The following CENPM variants were observed in gnomAD, a reference collection of about 807,000 sequenced individuals.
The protein encoded by CENPM is centromere protein M.
Under a neutral mutation model 19.6 loss-of-function variants are expected in CENPM, and 14 were observed. The ratio of observed to expected loss-of-function variants is 0.71; its 90% CI spans 0.47 to 1.11. The LOEUF is 1.11. CENPM is among the 50% of genes most tolerant of loss of function. CENPM has a pLI of 0.00. For synonymous variants in CENPM, 114 were observed against 101.5 expected, an observed-to-expected ratio of 1.12 and a Z score of -0.74; for missense variants, 239 against 228.4, an observed-to-expected ratio of 1.05 and a Z score of -0.30.
chr22:41,939,298 T>A, intron 5 of CENPM, 102 bp from the exon 6 acceptor site: 7 of 1,416,192 alleles, frequency 4.9e-6, no homozygotes, highest in Non-Finnish European at 5.6e-6. Context: ...GGGCGGATAC[T>A]TGGGGGTAGC....
At chr22:41,946,741 G>C in intron 1 of CENPM, 1 of 598,318 alleles carries the variant, frequency 1.7e-6, no homozygotes, top group East Asian at 2.8e-5. Context: ...GCCTCTCCAG[G>C]AGGCCAGACC....
chr22:41,938,141 AT>A (rs11440934), downstream of CENPM, among the ~76,000 whole-genome samples: 37 of 120,030 alleles, frequency 3.1e-4, no homozygotes, highest in Admixed American at 7.3e-4. Flanking sequence ...CGCGCCCAGC[AT>A]TTTTTTTTTT....
the CENPM span, among the ~76,000 whole-genome samples, chr22:41,929,013 G>C: frequency 6.6e-6 from 1 of 152,010 alleles, no homozygotes. Flanking sequence ...CCTGTACATG[G>C]GCCAGCAGCT....
intron 4 of CENPM, chr22:41,944,061 G>A (rs1024603904): frequency 3.3e-5 from 32 of 976,636 alleles, no homozygotes; most frequent in Non-Finnish European, 3.8e-5. Context: ...CATGCATGCC[G>A]GAGTGACACT....
intron 5 of CENPM, among the ~76,000 whole-genome samples, chr22:41,942,770 A>G (rs1430969156): frequency 2.0e-5 from 3 of 151,528 alleles, no homozygotes; most frequent in East Asian, 3.9e-4. Context: ...AAAAAAGTAA[A>G]TAAATAAATA....
intron 1 of CENPM, 50 bp downstream of exon 1, chr22:41,946,969 CA>C: frequency 6.3e-7 from 1 of 1,590,930 alleles, no homozygotes; most frequent in East Asian, 2.2e-5. Context: ...GTGGCTGAAG[CA>C]CCGCCCAGGA....
chr22:41,946,343 G>C (rs2077801661), intron 2 of CENPM, 74 bp downstream of exon 2: 1 of 1,299,664 alleles, frequency 7.7e-7, no homozygotes, highest in East Asian at 2.4e-5. Flanking sequence ...CTGGGCTTCG[G>C]AGTTTAGCAG....
intron 5 of CENPM, 141 bp downstream of exon 5, chr22:41,943,469 C>A: frequency 3.0e-6 from 2 of 665,330 alleles, no homozygotes; most frequent in Non-Finnish European, 5.0e-6. Context: ...AAACCAGGAT[C>A]CTGTGTCTCC....
the CENPM span, chr22:41,928,305 C>A: frequency 1.2e-5 from 2 of 171,812 alleles, no homozygotes; most frequent in African/African-American, 4.8e-5. This position sits in a 1 kb window ranked among gnomAD's most constrained non-coding sequence, Gnocchi z 4.0. Context: ...CTCTGCTCCC[C>A]AGTGTTTGGG....
the CENPM span, among the ~76,000 whole-genome samples, chr22:41,930,867 C>G: frequency 7.2e-6 from 1 of 138,628 alleles, no homozygotes; most frequent in African/African-American, 2.8e-5. Context: ...GATGGAGTCT[C>G]GCTCTGTTGC....
chr22:41,939,847 AG>A (rs1569425813), intron 5 of CENPM, among the ~76,000 whole-genome samples: 24 of 8,834 alleles, frequency 2.7e-3, no homozygotes, highest in East Asian at 0.01. Flanking sequence ...AGAAAAAGAA[AG>A]AAAGAAAGAA....
At chr22:41,940,324 C>T (rs1410223535) in intron 5 of CENPM, 3 of 595,404 alleles carry the variant, frequency 5.0e-6, no homozygotes, top group African/African-American at 1.9e-5. Flanking sequence ...TGACACGCCA[C>T]GCCTCCACTT....
intron 5 of CENPM, chr22:41,940,161 C>A: frequency 2.6e-6 from 2 of 772,348 alleles, no homozygotes; most frequent in East Asian, 2.4e-5. Context: ...AGGCAAGTCC[C>A]ACACTCGGCC....
intron 2 of CENPM, 61 bp downstream of exon 2, chr22:41,946,356 A>G: frequency 7.1e-7 from 1 of 1,418,164 alleles, no homozygotes; most frequent in African/African-American, 1.4e-5. Flanking sequence ...TTTAGCAGCT[A>G]GGACCGAATC....
At chr22:41,942,101 T>C (rs1412967561) in intron 5 of CENPM, among the ~76,000 whole-genome samples, 1 of 152,162 alleles carries the variant, frequency 6.6e-6, no homozygotes, top group Non-Finnish European at 1.5e-5. Context: ...CACTTTGCTT[T>C]CGGTAACAGG....
the CENPM span, among the ~76,000 whole-genome samples, chr22:41,927,244 C>A: frequency 6.6e-6 from 1 of 152,084 alleles, no homozygotes; most frequent in Admixed American, 6.5e-5. Context: ...ACCTGTGGTT[C>A]CCCAATTCAG....
At chr22:41,935,542 C>T (rs1432641607), downstream of CENPM, among the ~76,000 whole-genome samples, 1 of 152,184 alleles carries the variant, frequency 6.6e-6, no homozygotes, top group East Asian at 1.9e-4. Context: ...CCTTCAGGGA[C>T]CAAAGTGAAG....
At chr22:41,930,229 C>T in the CENPM span, among the ~76,000 whole-genome samples, 1 of 147,660 alleles carries the variant, frequency 6.8e-6, no homozygotes, top group Non-Finnish European at 1.5e-5. Context: ...ACGTGAGCCA[C>T]CGCGTCCCTT....
downstream of CENPM, among the ~76,000 whole-genome samples, chr22:41,935,947 T>C (rs1421993546): frequency 6.6e-6 from 1 of 151,492 alleles, no homozygotes; most frequent in East Asian, 1.9e-4. Context: ...CTCAGCTCAC[T>C]GCAACCTCTG....
Sources: allele counts gnomAD v4.1 joint callset (sites outside exome capture counted in the v4.1 genomes callset), GRCh38; gene constraint gnomAD v4.1.1; non-coding constraint Gnocchi (gnomAD v3.1); transcripts MANE v1.5; gene names NCBI Gene and HGNC (gene_info 2026-07-23, HGNC 2026-07-21).